The following ECHDC3 variants were observed in gnomAD, a reference collection of about 807,000 sequenced individuals.
ECHDC3 encodes enoyl-CoA hydratase domain containing 3, also known as enoyl-CoA hydratase domain-containing protein 3, mitochondrial.
In ECHDC3, 20 loss-of-function variants were observed where a neutral mutation model predicts 17.9. The observed-to-expected ratio is 1.12, with a 90% CI of 0.79 to 1.63. The LOEUF (loss-of-function observed/expected upper bound fraction) is 1.63, where lower values mean the gene tolerates loss of function less well. ECHDC3 is among the 40% of genes most tolerant of loss of function. The pLI is 0.00. For missense variants in ECHDC3, 407 were observed against 357.7 expected (o/e 1.14, Z -1.11); for synonymous variants, 177 against 149.7 (o/e 1.18, Z -1.33).
chr10:11,755,652 C>T lies in ECHDC3; in HGVS notation c.591+44C>T, dbSNP rs118059957. 6,687 of 1,541,686 alleles carry T rather than the reference C, an allele frequency of 4.3e-3. 50 individuals are homozygous for T. Among genetic ancestry groups the T allele is most frequent in the Non-Finnish European group, 4.0e-3 (4,594 of 1,134,920 alleles). Reference sequence around the variant, plus strand: ...CCCACCTCTGCCTCCCAGCCTTCTCCGGAGTTCCTCCTCCAGTGCATGCGA... The same window carrying T: ...CCCACCTCTGCCTCCCAGCCTTCTCTGGAGTTCCTCCTCCAGTGCATGCGA... On this transcript the variant is annotated intron_variant, in intron 4 of 4. Transcript: ENST00000379215.
Position 11,747,257 on chromosome 10 carries a change from T to TA in ECHDC3, c.171-87dup, listed in dbSNP as rs1832771189. On this transcript the variant is annotated intron_variant, in intron 1 of 4. Coordinates refer to ENST00000379215, the MANE Select transcript of ECHDC3 (RefSeq NM_024693.5). ...CCAGCAGTTCTCCTTTCTTGTCTGT[T>TA]AAAAATACCTCCTAAATTAGACAGG... The TA allele has an allele frequency of 2.6e-6, 4 of 1,527,624 alleles. No individual in the cohort carries two copies. The Admixed American group carries it at 5.9e-5, about 23-fold the overall frequency. 94.6% of individuals were successfully genotyped at this position (1,527,624 alleles called of 1,614,324 possible).
intron 2 of ECHDC3, among the ~76,000 whole-genome samples, chr10:11,748,329 G>C (rs1485967349): frequency 6.6e-6 from 1 of 151,936 alleles, no homozygotes; most frequent in Non-Finnish European, 1.5e-5. Flanking sequence ...CTGGGCTCAA[G>C]TGATCTCCCA....
intron 3 of ECHDC3, among the ~76,000 whole-genome samples, chr10:11,750,632 C>T (rs1334085155): frequency 6.6e-6 from 1 of 152,154 alleles, no homozygotes; most frequent in Non-Finnish European, 1.5e-5. Context: ...TTATTGAGCA[C>T]CTATTATAGT....
intron 3 of ECHDC3, among the ~76,000 whole-genome samples, chr10:11,751,284 A>T (rs1442464462): frequency 6.6e-6 from 1 of 152,218 alleles, no homozygotes; most frequent in Non-Finnish European, 1.5e-5. Context: ...TCTTCAGAGG[A>T]TAAAGCCCAG....
At chr10:11,752,709 G>A (rs560028055) in intron 3 of ECHDC3, among the ~76,000 whole-genome samples, 1 of 152,202 alleles carries the variant, frequency 6.6e-6, no homozygotes, top group South Asian at 2.1e-4. Flanking sequence ...TTATATAACT[G>A]TCGTGTTCTA....
chr10:11,758,042 T>C (rs1212308442), intron 4 of ECHDC3, among the ~76,000 whole-genome samples: 1 of 152,096 alleles, frequency 6.6e-6, no homozygotes, highest in East Asian at 1.9e-4. Flanking sequence ...CAAACTGGCC[T>C]GGGCAGGAAG....
In ECHDC3 at chr10:11,759,382, A is replaced by AAAAAC. The variant is rs1554760084; in HGVS notation, c.591+3775_591+3776insAAACA. On this transcript the variant is annotated intron_variant, in intron 4 of 4. Coordinates refer to ENST00000379215, the MANE Select transcript of ECHDC3 (RefSeq NM_024693.5). ...AAAAAAAAAAAAAACAAAAAAAAAA[A>AAAAAC]ACACGCAGTCCCAGAGAGCTGCCTT... Among the ~76,000 whole-genome samples the AAAAAC allele has an allele frequency of 7.4e-5, 10 of 134,524 alleles. 1 individual carries two copies. The highest frequency in any genetic ancestry group is 2.3e-4 in the East Asian group (1 of 4,318). The allele number at this position is 134,524 out of a possible 152,430, so 88.3% of individuals were successfully genotyped here. A position where few individuals can be genotyped will look rare whatever the true frequency, so the allele number is the denominator to read the frequency against.
At chr10:11,759,386 C>G (rs762629334) in intron 4 of ECHDC3, among the ~76,000 whole-genome samples, 1 of 145,190 alleles carries the variant, frequency 6.9e-6, no homozygotes, top group Admixed American at 6.9e-5. Context: ...AAAAAAAACA[C>G]GCAGTCCCAG....
intron 1 of ECHDC3, among the ~76,000 whole-genome samples, chr10:11,747,051 C>T (rs779954399): frequency 6.6e-6 from 1 of 152,178 alleles, no homozygotes; most frequent in African/African-American, 2.4e-5. Context: ...TTTGGAACCG[C>T]TGTGCATTGC....
intron 4 of ECHDC3, among the ~76,000 whole-genome samples, chr10:11,761,132 G>T (rs1257094148): frequency 6.6e-6 from 1 of 152,230 alleles, no homozygotes. Context: ...CTTGGGCCAG[G>T]CTTCTGGTCT....
Position 11,742,734 on chromosome 10 carries a change from T to C in ECHDC3, c.158T>C (p.Leu53Pro). ...SEPRPTSARQ[L>P]DGIRNIVLSN... Reference sequence around the variant, plus strand: ...CCGCGGCCCACCAGCGCGCGGCAGCTGGACGGCATAAGGTCAGCCCCGGGC... The same window carrying C: ...CCGCGGCCCACCAGCGCGCGGCAGCCGGACGGCATAAGGTCAGCCCCGGGC... The change falls in exon 1 of 5, where the codon CTG becomes CCG. Residue 53 changes from leucine (L) to proline (P), a missense_variant. Leu to Pro is a moderately conservative substitution (Grantham distance 98, BLOSUM62 -3). Transcript: ENST00000379215. 8.1e-7 allele frequency: 1 copy of C among 1,234,102 alleles called. No individual in the cohort carries two copies. Among genetic ancestry groups the C allele is most frequent in the Non-Finnish European group, 1.0e-6 (1 of 989,234 alleles). The allele number at this position is 1,234,102 out of a possible 1,614,324, so 76.4% of individuals were successfully genotyped here.
rs149327690 is a variant in ECHDC3 at position 11,763,116 on chromosome 10, C to T, written c.592-108C>T. 1.2e-4 allele frequency: 76 copies of T among 626,544 alleles called. No individual in the cohort carries two copies. In the East Asian group the frequency reaches 1.4e-3, roughly 12 times the overall value. 38.8% of individuals were successfully genotyped at this position (626,544 alleles called of 1,614,324 possible). A position where few individuals can be genotyped will look rare whatever the true frequency, so the allele number is the denominator to read the frequency against. On this transcript the variant is annotated intron_variant, in intron 4 of 4. Coordinates refer to ENST00000379215, the MANE Select transcript of ECHDC3 (RefSeq NM_024693.5). The surrounding 1 kb of genome is among the most constrained non-coding windows in gnomAD (Gnocchi z 4.9). ...AGGGCACTGAAGACGTCAGGGCTGG[C>T]GGATGACGTGGTATTTGAGGAAGCA...
chr10:11,746,511 G>A (rs982782160), intron 1 of ECHDC3, among the ~76,000 whole-genome samples: 1 of 152,124 alleles, frequency 6.6e-6, no homozygotes, highest in Non-Finnish European at 1.5e-5. Context: ...ATCCACAAAG[G>A]ATAAATGCTT....
chr10:11,757,128 C>T (rs2133793667), intron 4 of ECHDC3, among the ~76,000 whole-genome samples: 1 of 152,356 alleles, frequency 6.6e-6, no homozygotes, highest in South Asian at 2.1e-4. Context: ...TGCAAATCAA[C>T]TTACAAGGCC....
At chr10:11,746,927 A>T (rs540075419) in intron 1 of ECHDC3, among the ~76,000 whole-genome samples, 1 of 152,296 alleles carries the variant, frequency 6.6e-6, no homozygotes, top group East Asian at 1.9e-4. Flanking sequence ...CTCGTTTTCT[A>T]ACTTTTTTCT....
At chr10:11,753,585 ATCTTT>A (rs1832852176) in intron 3 of ECHDC3, among the ~76,000 whole-genome samples, 1 of 152,046 alleles carries the variant, frequency 6.6e-6, no homozygotes, top group African/African-American at 2.4e-5. Context: ...CGAAAACAAA[ATCTTT>A]TCTTTCTTTG....
chr10:11,755,711 A>G, intron 4 of ECHDC3, 103 bp downstream of exon 4: 3 of 1,138,270 alleles, frequency 2.6e-6, no homozygotes, highest in Non-Finnish European at 2.5e-6. Context: ...AGTGCCTTTC[A>G]TATCAGGACG....
chr10:11,744,695 A>G (rs868132570), intron 1 of ECHDC3, among the ~76,000 whole-genome samples: 2 of 152,182 alleles, frequency 1.3e-5, no homozygotes, highest in Non-Finnish European at 1.5e-5. Flanking sequence ...TTTAGGAGGT[A>G]TTATTAACAG....
At chr10:11,760,573 A>T (rs1832937319) in intron 4 of ECHDC3, among the ~76,000 whole-genome samples, 1 of 152,158 alleles carries the variant, frequency 6.6e-6, no homozygotes, top group African/African-American at 2.4e-5. Context: ...GATAAGGTTG[A>T]CTTGGGTGGC....
Sources: allele counts gnomAD v4.1 joint callset (sites outside exome capture counted in the v4.1 genomes callset), GRCh38; gene constraint gnomAD v4.1.1; non-coding constraint Gnocchi (gnomAD v3.1); transcripts MANE v1.5; gene names NCBI Gene and HGNC (gene_info 2026-07-23, HGNC 2026-07-21).